ATP9B: variants seen among roughly 807,000 people sequenced by gnomAD.
The protein encoded by ATP9B is probable phospholipid-transporting ATPase IIB.
Under a neutral mutation model 146.1 loss-of-function variants are expected in ATP9B, and 110 were observed. The ratio of observed to expected loss-of-function variants is 0.75; its 90% CI spans 0.65 to 0.88. ATP9B has a LOEUF of 0.88. Ranked by LOEUF, ATP9B falls within the 40% of genes least tolerant of loss-of-function variation. The probability of loss-of-function intolerance (pLI) is 0.00; values close to 1 mark genes in which losing one functional copy is unlikely to be tolerated. For synonymous variants in ATP9B, 604 were observed against 569.7 expected, an observed-to-expected ratio of 1.06 and a Z score of -0.86; for missense variants, 1,499 against 1,496.4, an observed-to-expected ratio of 1.00 and a Z score of -0.03.
At chr18:79,284,265 G>T (rs960902029) in intron 13 of ATP9B, among the ~76,000 whole-genome samples, 1 of 152,180 alleles carries the variant, frequency 6.6e-6, no homozygotes, top group Admixed American at 6.5e-5. Flanking sequence ...CGGGTATTCA[G>T]TTACAGCAAA....
chr18:79,200,891 T>G (rs2095480216), intron 9 of ATP9B, among the ~76,000 whole-genome samples: 1 of 151,404 alleles, frequency 6.6e-6, no homozygotes. Flanking sequence ...CCACACCCTT[T>G]TAGGAGCTGG....
At chr18:79,117,633 A>C (rs1204076929) in intron 4 of ATP9B, 1 of 152,324 alleles carries the variant, frequency 6.6e-6, no homozygotes, top group East Asian at 1.9e-4. Flanking sequence ...CAACTCTTCC[A>C]GGGCTCTCAG....
intron 10 of ATP9B, 75 bp downstream of exon 10, chr18:79,207,087 CAA>C: frequency 7.0e-7 from 1 of 1,423,930 alleles, no homozygotes; most frequent in South Asian, 1.2e-5. Flanking sequence ...GGACTCCAAA[CAA>C]GGGTTTCTCA....
intron 11 of ATP9B, among the ~76,000 whole-genome samples, chr18:79,227,004 G>A (rs148117885): frequency 3.3e-5 from 5 of 152,116 alleles, no homozygotes; most frequent in Middle Eastern, 6.8e-3. Flanking sequence ...GCTGTGTGTC[G>A]GGCACCATAT....
chr18:79,329,955 A>C, intron 16 of ATP9B, 57 bp from the exon 17 acceptor site: 1 of 1,467,786 alleles, frequency 6.8e-7, no homozygotes, highest in Non-Finnish European at 9.5e-7. Flanking sequence ...ACTAGCAGTT[A>C]TTTGCCCCGA....
intron 17 of ATP9B, among the ~76,000 whole-genome samples, chr18:79,332,257 A>G (rs147853016): frequency 0.038 from 5,759 of 151,316 alleles, 153 homozygotes; most frequent in South Asian, 0.05. Context: ...GTGAAACCCC[A>G]TCTCTACTAA....
intron 6 of ATP9B, among the ~76,000 whole-genome samples, chr18:79,151,251 G>C (rs1185746651): frequency 1.3e-5 from 2 of 152,182 alleles, no homozygotes; most frequent in Non-Finnish European, 2.9e-5. Context: ...TGAGAATCCA[G>C]AAATAAACTC....
intron 7 of ATP9B, among the ~76,000 whole-genome samples, chr18:79,166,005 C>G (rs1394913562): frequency 6.6e-6 from 1 of 152,162 alleles, no homozygotes; most frequent in Non-Finnish European, 1.5e-5. Context: ...CCCCAGTGCC[C>G]ACTTGATGAC....
intron 26 of ATP9B, among the ~76,000 whole-genome samples, chr18:79,369,241 AC>A (rs775782349): frequency 4.0e-5 from 6 of 151,470 alleles, no homozygotes; most frequent in Non-Finnish European, 7.4e-5. Flanking sequence ...TACTAAAAAT[AC>A]AAAAAAAATG....
chr18:79,207,691 A>G (rs193072001), intron 10 of ATP9B, among the ~76,000 whole-genome samples: 1 of 151,826 alleles, frequency 6.6e-6, no homozygotes, highest in African/African-American at 2.4e-5. Context: ...GAGAGGCTAG[A>G]TTGTTGGAGC....
chr18:79,228,051 C>T (rs1350286945), intron 11 of ATP9B, among the ~76,000 whole-genome samples: 5 of 152,234 alleles, frequency 3.3e-5, no homozygotes, highest in Non-Finnish European at 5.9e-5. Flanking sequence ...ATTAACTGAA[C>T]ACATGAATTC....
chr18:79,191,620 T>C (rs187741185), intron 8 of ATP9B, among the ~76,000 whole-genome samples: 37 of 152,370 alleles, frequency 2.4e-4, no homozygotes, highest in Admixed American at 2.3e-3. Context: ...TTGCAGACAT[T>C]GCATTTTTTC....
At chr18:79,073,637 A>G (rs541607800) in intron 1 of ATP9B, among the ~76,000 whole-genome samples, 47 of 152,012 alleles carry the variant, frequency 3.1e-4, no homozygotes, top group African/African-American at 1.0e-3. Context: ...GAGACGAGGG[A>G]GGGGGGAGAC....
intron 1 of ATP9B, among the ~76,000 whole-genome samples, chr18:79,083,906 A>G (rs1374516906): frequency 1.4e-5 from 2 of 141,440 alleles, no homozygotes; most frequent in East Asian, 4.1e-4. Context: ...CTCTGTTGCT[A>G]GGCTGGAGTG....
chr18:79,350,171 G>A (rs140938696), intron 25 of ATP9B, among the ~76,000 whole-genome samples: 56 of 152,302 alleles, frequency 3.7e-4, no homozygotes, highest in African/African-American at 1.3e-3. Flanking sequence ...CGGACTCCAC[G>A]TCCTTCGCCT....
intron 9 of ATP9B, among the ~76,000 whole-genome samples, chr18:79,200,522 C>T (rs11663180): frequency 0.21 from 31,926 of 151,926 alleles, 3,720 homozygotes; most frequent in East Asian, 0.5. Context: ...TTACCCAGTG[C>T]ACACAGAACA....
At chr18:79,148,009 C>T (rs911532491) in intron 6 of ATP9B, among the ~76,000 whole-genome samples, 3 of 152,128 alleles carry the variant, frequency 2.0e-5, no homozygotes, top group Admixed American at 6.5e-5. Context: ...ATAGATCCTG[C>T]AGCCATTAAA....
chr18:79,127,688 G>A (rs1165735285), intron 5 of ATP9B, among the ~76,000 whole-genome samples: 3 of 152,196 alleles, frequency 2.0e-5, no homozygotes, highest in African/African-American at 7.2e-5. Context: ...ACAAGCTTTT[G>A]TGTGAATATT....
chr18:79,305,693 T>C (rs1283435086), intron 14 of ATP9B, among the ~76,000 whole-genome samples: 2 of 152,258 alleles, frequency 1.3e-5, no homozygotes, highest in East Asian at 3.8e-4. Context: ...CATCATTATA[T>C]AAACACAGTA....
Sources: gnomAD v4.1 joint callset for allele counts (sites outside exome capture counted in the v4.1 genomes callset) on GRCh38, gnomAD v4.1.1 for gene constraint, MANE v1.5 for transcripts, NCBI Gene and HGNC (gene_info 2026-07-23, HGNC 2026-07-21) for gene names.